Variants in RTN3 observed in about 807,000 individuals in gnomAD.
The protein encoded by RTN3 is reticulon 3.
Under a neutral mutation model 77.8 loss-of-function variants are expected in RTN3, and 49 were observed. The ratio of observed to expected loss-of-function variants is 0.63; its 90% CI spans 0.50 to 0.80. The LOEUF (loss-of-function observed/expected upper bound fraction) is 0.80. Among genes scored for constraint, RTN3 ranks in the 30% least tolerant of loss-of-function variants. The pLI, the probability that RTN3 is intolerant of heterozygous loss-of-function variation, is 0.00. For missense variants in RTN3, 1,236 were observed against 1,211.9 expected, an observed-to-expected ratio of 1.02 and a Z score of -0.29; for synonymous variants, 464 against 446.9, an observed-to-expected ratio of 1.04 and a Z score of -0.48.
intron 2 of RTN3, among the ~76,000 whole-genome samples, chr11:63,709,957 C>T (rs896746047): frequency 2.0e-5 from 3 of 152,160 alleles, no homozygotes; most frequent in Non-Finnish European, 4.4e-5. Context: ...CACATGGTAA[C>T]TATAACCTAG....
intron 1 of RTN3, among the ~76,000 whole-genome samples, chr11:63,685,247 C>T (rs1941304312): frequency 6.6e-6 from 1 of 151,830 alleles, no homozygotes; most frequent in Non-Finnish European, 1.5e-5. Context: ...GTAATCCCAA[C>T]ACTTTGGGAG....
At chr11:63,713,824 G>T (rs944149556) in intron 2 of RTN3, 1 of 317,116 alleles carries the variant, frequency 3.2e-6, no homozygotes, top group Non-Finnish European at 6.3e-6. Context: ...CATGTGAAGG[G>T]ATGAATCTTT....
chr11:63,685,226 T>G (rs777472325), intron 1 of RTN3, among the ~76,000 whole-genome samples: 2 of 151,860 alleles, frequency 1.3e-5, no homozygotes, highest in African/African-American at 4.8e-5. Flanking sequence ...CAGGCACGCT[T>G]GCTCACTCCT....
At chr11:63,734,017 G>C (rs772605939) in intron 3 of RTN3, among the ~76,000 whole-genome samples, 1 of 152,004 alleles carries the variant, frequency 6.6e-6, no homozygotes, top group African/African-American at 2.4e-5. Flanking sequence ...AAAAAAGTTC[G>C]ATATCCTTTT....
chr11:63,752,075 C>G (rs577463257), intron 4 of RTN3, among the ~76,000 whole-genome samples: 1 of 150,144 alleles, frequency 6.7e-6, no homozygotes, highest in East Asian at 2.0e-4. Flanking sequence ...TGTGGTTTTC[C>G]AAAATGTTTT....
intron 3 of RTN3, among the ~76,000 whole-genome samples, chr11:63,739,531 A>G (rs1212628703): frequency 6.6e-6 from 1 of 152,192 alleles, no homozygotes; most frequent in African/African-American, 2.4e-5. Context: ...TAGCACACCC[A>G]AAGAAAAGGA....
intron 1 of RTN3, among the ~76,000 whole-genome samples, chr11:63,702,676 G>GT (rs1019266773): frequency 3.5e-5 from 5 of 142,376 alleles, no homozygotes; most frequent in East Asian, 2.0e-4. Flanking sequence ...CTTTGTTTTT[G>GT]TTTTTTTGTT....
intron 2 of RTN3, among the ~76,000 whole-genome samples, chr11:63,716,330 GA>G (rs543806884): frequency 2.8e-3 from 420 of 152,270 alleles, no homozygotes; most frequent in African/African-American, 9.6e-3. Flanking sequence ...ATGTTTACAT[GA>G]AAAAGGGAAC....
At chr11:63,712,683 C>T (rs910996653) in intron 2 of RTN3, among the ~76,000 whole-genome samples, 9 of 152,070 alleles carry the variant, frequency 5.9e-5, no homozygotes, top group South Asian at 2.1e-4. Flanking sequence ...AGATGGGGTT[C>T]TCCATGTTGA....
At chr11:63,709,616 TACAAA>T (rs1183966539) in intron 2 of RTN3, among the ~76,000 whole-genome samples, 1 of 152,144 alleles carries the variant, frequency 6.6e-6, no homozygotes, top group Non-Finnish European at 1.5e-5. Flanking sequence ...TTTTTCTTTG[TACAAA>T]AGAGACGTTT....
At chr11:63,753,448 G>A (rs1044891786) in intron 6 of RTN3, among the ~76,000 whole-genome samples, 1 of 152,194 alleles carries the variant, frequency 6.6e-6, no homozygotes, top group Non-Finnish European at 1.5e-5. Flanking sequence ...GTACAAAGAA[G>A]GTAGCCTGTA....
intron 3 of RTN3, among the ~76,000 whole-genome samples, chr11:63,735,088 G>A (rs1039550351): frequency 6.6e-6 from 1 of 152,050 alleles, no homozygotes; most frequent in East Asian, 1.9e-4. Context: ...GTGCAGTGGC[G>A]CAATCTCTGC....
chr11:63,719,392 T>A lies in RTN3; in HGVS notation c.890T>A (p.Leu297Gln). 1 of 1,614,170 alleles carries A rather than the reference T, an allele frequency of 6.2e-7. No homozygotes were observed. The highest frequency in any genetic ancestry group is 8.5e-7 in the Non-Finnish European group (1 of 1,180,016). ...ISETNDKLFP[L>Q]RNKEAGRYPM... ...GAGACTAATGACAAGCTTTTTCCAC[T>A]GAGAAATAAAGAGGCAGGACGTTAC... The change falls in exon 3 of 9, where the codon CTG becomes CAG. Residue 297 changes from leucine (L) to glutamine (Q), a missense_variant. Leu to Gln is a moderately radical substitution (Grantham distance 113). Coordinates refer to ENST00000377819, the MANE Select transcript of RTN3 (RefSeq NM_001265589.2).
intron 3 of RTN3, among the ~76,000 whole-genome samples, chr11:63,735,116 T>G (rs1381985130): frequency 1.3e-5 from 2 of 152,012 alleles, no homozygotes; most frequent in Admixed American, 6.6e-5. Context: ...AACCTCCGCC[T>G]CTAGCTGAGA....
At chr11:63,685,044 G>A (rs976449049) in intron 1 of RTN3, among the ~76,000 whole-genome samples, 7 of 152,152 alleles carry the variant, frequency 4.6e-5, no homozygotes, top group Non-Finnish European at 7.4e-5. Context: ...ACAGGCATGA[G>A]CCACTGAGCC....
chr11:63,687,623 A>AG (rs1271000328), intron 1 of RTN3, among the ~76,000 whole-genome samples: 2 of 151,890 alleles, frequency 1.3e-5, no homozygotes, highest in Non-Finnish European at 2.9e-5. Context: ...AAAAAAAAAA[A>AG]GTGAACACAT....
At chr11:63,745,017 C>T (rs557482934) in intron 3 of RTN3, among the ~76,000 whole-genome samples, 6 of 152,246 alleles carry the variant, frequency 3.9e-5, no homozygotes, top group East Asian at 1.9e-4. Context: ...ATTTCATGGA[C>T]GCAAACCATG....
chr11:63,719,061 CCAAATGGGGT>C lies in RTN3; in HGVS notation c.560_569del (p.Pro187HisfsTer19), dbSNP rs765355205. ...GCAAATAGATAAAGAGACCAAGAAC[CCAAATGGGGT>C]ATCAAGTAGGGAGGCTAAAACTGCA... is the stretch of plus-strand genomic sequence containing the variant. On this transcript the variant is annotated frameshift_variant, in exon 3 of 9. Transcript: ENST00000377819. LOFTEE classifies it high-confidence loss of function. 2 of 1,614,048 alleles carry C rather than the reference CCAAATGGGGT, an allele frequency of 1.2e-6. No homozygotes were observed. Among genetic ancestry groups the C allele is most frequent in the Non-Finnish European group, 1.7e-6 (2 of 1,180,008 alleles).
intron 3 of RTN3, among the ~76,000 whole-genome samples, chr11:63,734,442 C>T (rs1460943856): frequency 6.6e-6 from 1 of 150,852 alleles, no homozygotes; most frequent in Non-Finnish European, 1.5e-5. Flanking sequence ...TCAAGACTGT[C>T]TCAAACAAAA....
Sources: allele counts gnomAD v4.1 joint callset (sites outside exome capture counted in the v4.1 genomes callset), GRCh38; gene constraint gnomAD v4.1.1; transcripts MANE v1.5; gene names NCBI Gene and HGNC (gene_info 2026-07-23, HGNC 2026-07-21).